TLL2: variants seen among roughly 807,000 people sequenced by gnomAD.
TLL2 encodes tolloid like 2.
In TLL2, 106 loss-of-function variants were observed where a neutral mutation model predicts 123.0. That is an observed-to-expected ratio of 0.86 (90% confidence interval 0.74 to 1.01). The LOEUF (loss-of-function observed/expected upper bound fraction) is 1.01. Ranked by LOEUF, TLL2 falls within the 50% of genes least tolerant of loss-of-function variation. The pLI, the probability that TLL2 is intolerant of heterozygous loss-of-function variation, is 0.00. For synonymous variants in TLL2, 494 were observed against 516.8 expected (o/e 0.96, Z 0.60); for missense variants, 1,332 against 1,336.7 (o/e 1.00, Z 0.06).
intron 2 of TLL2, among the ~76,000 whole-genome samples, chr10:96,477,947 C>G (rs959210599): frequency 6.6e-6 from 1 of 152,222 alleles, no homozygotes; most frequent in African/African-American, 2.4e-5. Flanking sequence ...TCTGGGGGAT[C>G]TAAATCCAGG....
intron 3 of TLL2, among the ~76,000 whole-genome samples, chr10:96,440,406 C>A (rs1846840294): frequency 6.6e-6 from 1 of 152,242 alleles, no homozygotes; most frequent in African/African-American, 2.4e-5. Context: ...TTGGAAACCT[C>A]TCCAAAATGT....
chr10:96,485,516 T>C (rs1343624043), intron 1 of TLL2, among the ~76,000 whole-genome samples: 1 of 152,148 alleles, frequency 6.6e-6, no homozygotes, highest in Non-Finnish European at 1.5e-5. Flanking sequence ...GGAAAAGATA[T>C]AAATGGCCAA....
At chr10:96,373,211 T>C in intron 19 of TLL2, 2 of 235,564 alleles carry the variant, frequency 8.5e-6, no homozygotes, top group South Asian at 1.3e-4. Flanking sequence ...GGCACGATCT[T>C]GGCTCACTGC....
At chr10:96,373,863 G>C in intron 18 of TLL2, 54 bp from the exon 19 acceptor site, 1 of 1,549,364 alleles carries the variant, frequency 6.5e-7, no homozygotes, top group Non-Finnish European at 8.8e-7. Context: ...AGCTGGGGTG[G>C]GGGCCTCCTT....
intron 1 of TLL2, among the ~76,000 whole-genome samples, chr10:96,500,154 AAAAAAAT>A (rs1847520674): frequency 6.6e-6 from 1 of 150,786 alleles, no homozygotes; most frequent in African/African-American, 2.4e-5. Flanking sequence ...CAAAAAAAAA[AAAAAAAT>A]ACAAAAATTA....
Position 96,365,024 on chromosome 10 carries a change from C to A in TLL2, c.*3064G>T. The A allele has an allele frequency of 6.6e-6, 1 of 152,304 alleles. No homozygotes were observed. Among genetic ancestry groups the A allele is most frequent in the South Asian group, 2.1e-4 (1 of 4,878 alleles). 9.4% of individuals were successfully genotyped at this position (152,304 alleles called of 1,614,324 possible). A position where few individuals can be genotyped will look rare whatever the true frequency, so the allele number is the denominator to read the frequency against. On this transcript the variant is annotated 3_prime_UTR_variant, in exon 21 of 21. Transcript: ENST00000357947. Reference sequence around the variant, plus strand: ...ATATGAAACTTTACAGCAGGGGTGTCCCATCTTTTGGCTTCCCTGGGCCAC... The same window carrying A: ...ATATGAAACTTTACAGCAGGGGTGTACCATCTTTTGGCTTCCCTGGGCCAC...
intron 2 of TLL2, among the ~76,000 whole-genome samples, chr10:96,446,533 C>A (rs768029604): frequency 1.3e-5 from 2 of 152,158 alleles, no homozygotes; most frequent in African/African-American, 2.4e-5. Context: ...CAAATAGGAT[C>A]CTCTCTGGGC....
In TLL2 at chr10:96,449,168, A is replaced by G. The variant is rs114346986; in HGVS notation, c.287-3000T>C. 8.5e-3 allele frequency among the ~76,000 whole-genome samples: 1,292 copies of G among 152,354 alleles called. 18 individuals are homozygous for G. Among genetic ancestry groups the G allele is most frequent in the African/African-American group, 0.028 (1,182 of 41,570 alleles). ...CCAATAACAAACGGACCATGAACAG[A>G]TTAGGAAACAAAGCTCCAAGAGGTG... On this transcript the variant is annotated intron_variant, in intron 2 of 20. Coordinates refer to ENST00000357947, the MANE Select transcript of TLL2 (RefSeq NM_012465.4).
chr10:96,455,600 C>T (rs1052936995), intron 2 of TLL2, among the ~76,000 whole-genome samples: 8 of 151,066 alleles, frequency 5.3e-5, no homozygotes, highest in Non-Finnish European at 8.8e-5. Context: ...CTCTGGTCGT[C>T]CTCACTGCTA....
At chr10:96,404,047 T>G (rs1846424624) in intron 10 of TLL2, among the ~76,000 whole-genome samples, 1 of 152,092 alleles carries the variant, frequency 6.6e-6, no homozygotes, top group African/African-American at 2.4e-5. Context: ...CCTGCTCTCC[T>G]ACTACATTCC....
chr10:96,470,058 G>T (rs1007489925), intron 2 of TLL2, among the ~76,000 whole-genome samples: 88 of 152,168 alleles, frequency 5.8e-4, no homozygotes, highest in African/African-American at 2.1e-3. Context: ...AGAGACCCCA[G>T]CAAGCTCTCC....
At chr10:96,416,175 G>A (rs914397462) in intron 7 of TLL2, among the ~76,000 whole-genome samples, 28 of 152,140 alleles carry the variant, frequency 1.8e-4, no homozygotes, top group African/African-American at 6.3e-4. Flanking sequence ...CTGCCCTAAC[G>A]AAAGGTGTGT....
At chr10:96,483,280 G>A (rs999996553) in intron 1 of TLL2, among the ~76,000 whole-genome samples, 7 of 152,192 alleles carry the variant, frequency 4.6e-5, no homozygotes, top group African/African-American at 1.7e-4. Flanking sequence ...GGAAGGGCAG[G>A]ACCTCCCAGA....
chr10:96,494,802 T>C (rs1191294558), intron 1 of TLL2, among the ~76,000 whole-genome samples: 2 of 152,236 alleles, frequency 1.3e-5, no homozygotes, highest in African/African-American at 4.8e-5. Flanking sequence ...TCTGGAGGCA[T>C]GGCCCACAAA....
At chr10:96,501,393 GGCCATA>G (rs1277921103) in intron 1 of TLL2, among the ~76,000 whole-genome samples, 1 of 152,106 alleles carries the variant, frequency 6.6e-6, no homozygotes, top group Non-Finnish European at 1.5e-5. Flanking sequence ...CCATTCTCAA[GGCCATA>G]GCCTGCATCC....
chr10:96,392,848 A>G (rs1846301464), intron 13 of TLL2, among the ~76,000 whole-genome samples: 1 of 152,214 alleles, frequency 6.6e-6, no homozygotes, highest in Non-Finnish European at 1.5e-5. Flanking sequence ...GTGTGGTTAA[A>G]TGAAGGATCT....
intron 17 of TLL2, among the ~76,000 whole-genome samples, chr10:96,377,858 TTGCTCTGACACCCCC>T (rs148921948): frequency 7.9e-5 from 12 of 152,358 alleles, no homozygotes; most frequent in Admixed American, 3.3e-4. Context: ...TCCTGAGATG[TTGCTCTGACACCCCC>T]TGCTGTTGGG....
Position 96,457,909 on chromosome 10 carries a change from C to T in TLL2, c.287-11741G>A, listed in dbSNP as rs145388053. Reference sequence around the variant, plus strand: ...TTCCTTCATGCCCACTAAACATCATCGGCAATGATCTCATTTATTCGCTTA... The same window carrying T: ...TTCCTTCATGCCCACTAAACATCATTGGCAATGATCTCATTTATTCGCTTA... On this transcript the variant is annotated intron_variant, in intron 2 of 20. Transcript: ENST00000357947. 7.6e-3 allele frequency among the ~76,000 whole-genome samples: 1,158 copies of T among 152,280 alleles called. 15 individuals carry two copies. Among genetic ancestry groups the T allele is most frequent in the African/African-American group, 0.027 (1,109 of 41,544 alleles).
In TLL2 at chr10:96,376,703, T is replaced by C. The variant is rs1846140728; in HGVS notation, c.2437A>G (p.Arg813Gly). ...CAAAAATGACTCACGAGTTTCACTCTGTGGCCTGCAGTCGAAGAGATGTTC... is the reference window on the plus strand; with the variant it reads ...CAAAAATGACTCACGAGTTTCACTCCGTGGCCTGCAGTCGAAGAGATGTTC... ...TWNISSTAGH[R>G]VKLTFNEFEI... The change falls in exon 18 of 21, where the codon AGA becomes GGA. Residue 813 changes from arginine (R) to glycine (G), a missense_variant. Transcript: ENST00000357947. The C allele has an allele frequency of 6.2e-7, 1 of 1,610,196 alleles. No individual in the cohort carries two copies. Among genetic ancestry groups the C allele is most frequent in the African/African-American group, 1.3e-5 (1 of 74,606 alleles).
Sources: gnomAD v4.1 joint callset for allele counts (sites outside exome capture counted in the v4.1 genomes callset) on GRCh38, gnomAD v4.1.1 for gene constraint, MANE v1.5 for transcripts, NCBI Gene and HGNC (gene_info 2026-07-23, HGNC 2026-07-21) for gene names.